Variants in STXBP5L observed in about 807,000 individuals in gnomAD.
STXBP5L encodes syntaxin binding protein 5L.
In STXBP5L, 65 loss-of-function variants were observed where a neutral mutation model predicts 144.5. The ratio of observed to expected loss-of-function variants is 0.45; its 90% CI spans 0.37 to 0.55. STXBP5L has a LOEUF of 0.55. STXBP5L is among the 20% of genes least tolerant of loss of function. The pLI is 0.00. For missense variants in STXBP5L, 1,298 were observed against 1,405.5 expected (o/e 0.92, Z 1.22); for synonymous variants, 505 against 469.6 (o/e 1.08, Z -0.97).
intron 19 of STXBP5L, among the ~76,000 whole-genome samples, chr3:121,295,120 AAAG>A (rs2051598830): frequency 6.6e-6 from 1 of 152,084 alleles, no homozygotes; most frequent in Admixed American, 6.6e-5. Flanking sequence ...ATTTTAGAGA[AAAG>A]AGCATATTTT....
At chr3:121,281,962 G>A (rs919047188) in intron 19 of STXBP5L, among the ~76,000 whole-genome samples, 7 of 151,184 alleles carry the variant, frequency 4.6e-5, no homozygotes, top group African/African-American at 7.3e-5. Context: ...TAAGGAAAAT[G>A]TGCCATCTAC....
Position 121,176,809 on chromosome 3 carries a change from T to TA in STXBP5L, c.877+19190dup, listed in dbSNP as rs1202459303. On this transcript the variant is annotated intron_variant, in intron 9 of 26. Coordinates refer to ENST00000471454, the MANE Select transcript of STXBP5L (RefSeq NM_001308330.2). Reference sequence around the variant, plus strand: ...CAAACATGAAATGAAGGAGTTTTTTTAAAAAAAAGCAGAGCAGAAAGTAAT... The same window carrying TA: ...CAAACATGAAATGAAGGAGTTTTTTTAAAAAAAAAGCAGAGCAGAAAGTAAT... Among the ~76,000 whole-genome samples the TA allele has an allele frequency of 1.5e-3, 228 of 151,354 alleles. 1 individual carries two copies. Among genetic ancestry groups the TA allele is most frequent in the African/African-American group, 4.9e-3 (201 of 41,372 alleles).
intron 20 of STXBP5L, among the ~76,000 whole-genome samples, chr3:121,338,862 C>T (rs759945628): frequency 1.3e-5 from 2 of 151,988 alleles, no homozygotes; most frequent in Non-Finnish European, 2.9e-5. Flanking sequence ...AACAGAAATT[C>T]TGAACAGACC....
At chr3:121,293,250 A>G (rs1159713851) in intron 19 of STXBP5L, among the ~76,000 whole-genome samples, 5 of 152,204 alleles carry the variant, frequency 3.3e-5, no homozygotes, top group Non-Finnish European at 7.4e-5. Flanking sequence ...CCATTTCTAT[A>G]GAATTCCAGG....
chr3:120,934,289 A>G (rs1480731996), intron 2 of STXBP5L, among the ~76,000 whole-genome samples: 2 of 151,774 alleles, frequency 1.3e-5, no homozygotes, highest in African/African-American at 4.8e-5. Context: ...CTAATCTCCA[A>G]GTATTTTGGG....
chr3:121,068,704 G>C (rs951135077), intron 5 of STXBP5L, among the ~76,000 whole-genome samples: 5 of 151,760 alleles, frequency 3.3e-5, no homozygotes, highest in Admixed American at 6.6e-5. Context: ...TGCTAATATA[G>C]TTTAGTATGT....
intron 5 of STXBP5L, among the ~76,000 whole-genome samples, chr3:121,105,145 C>A (rs926989948): frequency 6.6e-6 from 1 of 152,128 alleles, no homozygotes; most frequent in East Asian, 1.9e-4. Flanking sequence ...TGCCTATAAT[C>A]ACAGCACTTT....
At chr3:121,159,796 A>T (rs1559808032) in intron 9 of STXBP5L, among the ~76,000 whole-genome samples, 1 of 149,966 alleles carries the variant, frequency 6.7e-6, no homozygotes. Context: ...TGCCCGGCTA[A>T]TTTTTTTTTG....
intron 3 of STXBP5L, among the ~76,000 whole-genome samples, chr3:120,977,562 T>C (rs1406001197): frequency 6.6e-6 from 1 of 152,196 alleles, no homozygotes; most frequent in Non-Finnish European, 1.5e-5. Flanking sequence ...TTAATATTGT[T>C]ATGTGTGAAT....
At chr3:121,343,695 C>T (rs200885667) in intron 20 of STXBP5L, among the ~76,000 whole-genome samples, 2 of 151,834 alleles carry the variant, frequency 1.3e-5, no homozygotes, top group African/African-American at 2.4e-5. Context: ...TTACAAGGGA[C>T]GTGAAGGACC....
chr3:120,956,299 A>G (rs1260600334), intron 3 of STXBP5L, among the ~76,000 whole-genome samples: 1 of 151,872 alleles, frequency 6.6e-6, no homozygotes, highest in Non-Finnish European at 1.5e-5. Flanking sequence ...GTAAAACTGA[A>G]ACTCTACACC....
rs545310309 is a variant in STXBP5L at position 120,952,444 on chromosome 3, T to C, written c.190-2496T>C. Among the ~76,000 whole-genome samples, 49 of 152,208 alleles carry C rather than the reference T, an allele frequency of 3.2e-4. No homozygotes were observed. In the South Asian group the frequency reaches 9.7e-3, roughly 30 times the overall value. ...TCCTTTGGATTCTACTTATTATAAA[T>C]GGGGTTCTTTATTTTATTTTTGGAT... On this transcript the variant is annotated intron_variant, in intron 2 of 26. Coordinates refer to ENST00000471454, the MANE Select transcript of STXBP5L (RefSeq NM_001308330.2).
chr3:120,973,317 G>A (rs1424248319), intron 3 of STXBP5L, among the ~76,000 whole-genome samples: 1 of 151,916 alleles, frequency 6.6e-6, no homozygotes, highest in Admixed American at 6.6e-5. Context: ...ATGTTTTCAA[G>A]AGTTTATTCA....
chr3:121,367,605 T>G (rs1352313130), intron 20 of STXBP5L, among the ~76,000 whole-genome samples: 3 of 139,708 alleles, frequency 2.1e-5, no homozygotes, highest in Non-Finnish European at 3.1e-5. Context: ...GTTTTTTTTT[T>G]TTTTTTTTTT....
At chr3:120,992,169 T>C (rs1301546982) in intron 3 of STXBP5L, among the ~76,000 whole-genome samples, 1 of 152,128 alleles carries the variant, frequency 6.6e-6, no homozygotes, top group African/African-American at 2.4e-5. Flanking sequence ...ATTTTTAGAT[T>C]GATTCTTAAT....
intron 8 of STXBP5L, among the ~76,000 whole-genome samples, chr3:121,152,789 T>C (rs543629592): frequency 1.3e-5 from 2 of 152,110 alleles, no homozygotes; most frequent in Non-Finnish European, 2.9e-5. Flanking sequence ...TGGCATCTTA[T>C]ATACTTTGCA....
At chr3:121,005,662 C>A (rs1304043484) in intron 3 of STXBP5L, among the ~76,000 whole-genome samples, 2 of 152,300 alleles carry the variant, frequency 1.3e-5, no homozygotes, top group Non-Finnish European at 1.5e-5. Flanking sequence ...AATTTTGGAT[C>A]TTTCCTGCTT....
rs181467028 is a variant in STXBP5L at position 121,196,423 on chromosome 3, G to A, written c.878-9500G>A. On this transcript the variant is annotated intron_variant, in intron 9 of 26. Coordinates refer to ENST00000471454, the MANE Select transcript of STXBP5L (RefSeq NM_001308330.2). ...CAAAGTACTGGGATTACAGGCATGAGCCACCGCACCCGGCAATATTAATTC... is the reference window on the plus strand; with the variant it reads ...CAAAGTACTGGGATTACAGGCATGAACCACCGCACCCGGCAATATTAATTC... Among the ~76,000 whole-genome samples the A allele has an allele frequency of 1.3e-3, 191 of 152,122 alleles. 2 individuals are homozygous for A. The highest frequency in any genetic ancestry group is 3.9e-3 in the South Asian group (19 of 4,814).
chr3:121,063,843 A>T (rs2041408606), intron 5 of STXBP5L, among the ~76,000 whole-genome samples: 1 of 151,916 alleles, frequency 6.6e-6, no homozygotes. Context: ...CCCTCCCCCC[A>T]CCAAGATAGC....
Sources: gnomAD v4.1 joint callset for allele counts (sites outside exome capture counted in the v4.1 genomes callset) on GRCh38, gnomAD v4.1.1 for gene constraint, MANE v1.5 for transcripts, NCBI Gene and HGNC (gene_info 2026-07-23, HGNC 2026-07-21) for gene names.